MIPOL1: variants seen among roughly 807,000 people sequenced by gnomAD.
The protein encoded by MIPOL1 is mirror-image polydactyly 1, also known as mirror-image polydactyly gene 1 protein.
In MIPOL1, 57 loss-of-function variants were observed where a neutral mutation model predicts 60.9. The ratio of observed to expected loss-of-function variants is 0.94; its 90% CI spans 0.76 to 1.17. The LOEUF (loss-of-function observed/expected upper bound fraction) is 1.17, where lower values mean the gene tolerates loss of function less well. Ranked by LOEUF, MIPOL1 falls within the 50% of genes most tolerant of loss-of-function variation. The probability of loss-of-function intolerance (pLI) is 0.00; values close to 1 mark genes in which losing one functional copy is unlikely to be tolerated. For synonymous variants in MIPOL1, 179 were observed against 168.8 expected (o/e 1.06, Z -0.47); for missense variants, 551 against 511.6 (o/e 1.08, Z -0.74).
chr14:37,531,926 C>A (rs2095481999), intron 12 of MIPOL1, among the ~76,000 whole-genome samples: 1 of 152,060 alleles, frequency 6.6e-6, no homozygotes, highest in South Asian at 2.1e-4. Context: ...GTGGGCCAGT[C>A]CTTGTGTCCT....
chr14:37,526,556 T>C (rs1233917646), intron 12 of MIPOL1, among the ~76,000 whole-genome samples: 1 of 150,618 alleles, frequency 6.6e-6, no homozygotes, highest in African/African-American at 2.4e-5. Context: ...TTTTTTTTTT[T>C]TTTTTTAGTA....
At chr14:37,291,198 A>G (rs2085025604) in intron 7 of MIPOL1, among the ~76,000 whole-genome samples, 1 of 152,182 alleles carries the variant, frequency 6.6e-6, no homozygotes, top group African/African-American at 2.4e-5. Context: ...TGCTGGGATT[A>G]TAGCTGTGAG....
intron 11 of MIPOL1, among the ~76,000 whole-genome samples, chr14:37,432,444 G>C (rs991161315): frequency 6.6e-6 from 1 of 152,098 alleles, no homozygotes; most frequent in African/African-American, 2.4e-5. Context: ...ATGTTTTTTT[G>C]TGTGCATTGC....
chr14:37,437,355 A>G (rs2094177485), intron 11 of MIPOL1, among the ~76,000 whole-genome samples: 1 of 152,260 alleles, frequency 6.6e-6, no homozygotes. Flanking sequence ...ATTTTAACCC[A>G]TGGAAAGTTT....
chr14:37,418,931 C>T (rs1392635252), intron 10 of MIPOL1, among the ~76,000 whole-genome samples: 1 of 151,856 alleles, frequency 6.6e-6, no homozygotes, highest in Non-Finnish European at 1.5e-5. Flanking sequence ...CTTTATATAG[C>T]TATATATATC....
intron 11 of MIPOL1, among the ~76,000 whole-genome samples, chr14:37,491,698 C>T (rs1030492172): frequency 3.3e-5 from 5 of 152,000 alleles, no homozygotes; most frequent in African/African-American, 1.2e-4. Flanking sequence ...ATATTGACAA[C>T]TTATCCAGTT....
At chr14:37,535,931 T>G (rs2095504398) in intron 12 of MIPOL1, among the ~76,000 whole-genome samples, 1 of 152,100 alleles carries the variant, frequency 6.6e-6, no homozygotes. Flanking sequence ...GACAGGATCT[T>G]GCTCTGTTAC....
intron 11 of MIPOL1, among the ~76,000 whole-genome samples, chr14:37,497,362 G>A (rs2095147257): frequency 2.6e-5 from 4 of 152,190 alleles, no homozygotes; most frequent in Non-Finnish European, 4.4e-5. Context: ...AGGCATGATA[G>A]GCAAATGCTG....
intron 1 of MIPOL1, among the ~76,000 whole-genome samples, chr14:37,226,366 G>A: frequency 6.6e-6 from 1 of 152,194 alleles, no homozygotes; most frequent in East Asian, 1.9e-4. Flanking sequence ...TCCATGTGGT[G>A]GACTCACAGT....
At chr14:37,486,459 A>T (rs1382561143) in intron 11 of MIPOL1, among the ~76,000 whole-genome samples, 2 of 152,326 alleles carry the variant, frequency 1.3e-5, no homozygotes, top group East Asian at 3.9e-4. Flanking sequence ...CTTCCTATCC[A>T]TGAGCATGGA....
intron 7 of MIPOL1, among the ~76,000 whole-genome samples, chr14:37,292,616 G>T (rs2085202573): frequency 6.6e-6 from 1 of 151,592 alleles, no homozygotes; most frequent in Non-Finnish European, 1.5e-5. Context: ...GAGTTGCTGG[G>T]ATTATAGGCA....
At chr14:37,287,367 C>A (rs1269436500) in intron 7 of MIPOL1, among the ~76,000 whole-genome samples, 1 of 152,002 alleles carries the variant, frequency 6.6e-6, no homozygotes, top group Non-Finnish European at 1.5e-5. Flanking sequence ...CCTCAGCCTC[C>A]CAAGGAGCTA....
chr14:37,230,269 A>G (rs1387711873), intron 1 of MIPOL1, among the ~76,000 whole-genome samples: 1 of 152,212 alleles, frequency 6.6e-6, no homozygotes, highest in Non-Finnish European at 1.5e-5. Flanking sequence ...ACAGGACTAA[A>G]AATTTTCACC....
chr14:37,217,400 T>A (rs1388611615), intron 1 of MIPOL1, among the ~76,000 whole-genome samples: 1 of 152,056 alleles, frequency 6.6e-6, no homozygotes, highest in African/African-American at 2.4e-5. Context: ...TTCTCTGAGG[T>A]CGTAATTACC....
chr14:37,268,561 G>A, intron 4 of MIPOL1, 97 bp from the exon 5 acceptor site: 2 of 885,336 alleles, frequency 2.3e-6, no homozygotes, highest in Non-Finnish European at 3.4e-6. Flanking sequence ...CCTTTATGGT[G>A]TTTGCTTACA....
At chr14:37,430,236 A>G (rs1411816370) in intron 11 of MIPOL1, among the ~76,000 whole-genome samples, 1 of 152,160 alleles carries the variant, frequency 6.6e-6, no homozygotes, top group Non-Finnish European at 1.5e-5. Flanking sequence ...ACAAGTTTCA[A>G]CTTTGCTTGA....
intron 3 of MIPOL1, among the ~76,000 whole-genome samples, chr14:37,258,461 A>G (rs1975331292): frequency 6.6e-6 from 1 of 152,166 alleles, no homozygotes; most frequent in Non-Finnish European, 1.5e-5. Context: ...AAAAGGTTAC[A>G]AATATATTAC....
At chr14:37,209,765 G>A (rs933219717) in intron 1 of MIPOL1, among the ~76,000 whole-genome samples, 3 of 152,106 alleles carry the variant, frequency 2.0e-5, no homozygotes, top group African/African-American at 7.2e-5. Context: ...GTACAGTGGT[G>A]CAAACATGGC....
intron 11 of MIPOL1, among the ~76,000 whole-genome samples, chr14:37,429,938 C>A (rs994608779): frequency 1.3e-5 from 2 of 152,090 alleles, no homozygotes; most frequent in African/African-American, 4.8e-5. Flanking sequence ...TTATAGCATG[C>A]AAACTATAGC....
Sources: allele counts gnomAD v4.1 joint callset (sites outside exome capture counted in the v4.1 genomes callset), GRCh38; gene constraint gnomAD v4.1.1; transcripts MANE v1.5; gene names NCBI Gene and HGNC (gene_info 2026-07-23, HGNC 2026-07-21).